The following DOCK9 variants were observed in gnomAD, a reference collection of about 807,000 sequenced individuals.
The protein encoded by DOCK9 is dedicator of cytokinesis protein 9.
DOCK9 carries 89 observed loss-of-function variants against 263.3 expected under a neutral mutation model. The ratio of observed to expected loss-of-function variants is 0.34; its 90% CI spans 0.28 to 0.40. DOCK9 has a LOEUF of 0.40. DOCK9 is among the 10% of genes least tolerant of loss of function. DOCK9 has a pLI of 1.00. For missense variants in DOCK9, 2,140 were observed against 2,603.4 expected, an observed-to-expected ratio of 0.82 and a Z score of 3.87; for synonymous variants, 976 against 973.1, an observed-to-expected ratio of 1.00 and a Z score of -0.06.
upstream of DOCK9, among the ~76,000 whole-genome samples, chr13:99,086,909 C>G (rs866115558): frequency 1.3e-5 from 2 of 151,948 alleles, no homozygotes; most frequent in Non-Finnish European, 2.9e-5. Flanking sequence ...GAGGAGGGGA[C>G]TGCGCACGCC....
At chr13:98,880,879 C>T (rs1468534877) in intron 25 of DOCK9, among the ~76,000 whole-genome samples, 3 of 151,618 alleles carry the variant, frequency 2.0e-5, no homozygotes, top group African/African-American at 7.3e-5. Context: ...AGTCATCTGA[C>T]CCGGTCAAAT....
At chr13:98,922,322 AAG>A (rs1428421374) in intron 5 of DOCK9, among the ~76,000 whole-genome samples, 176 bp from the exon 6 acceptor site, 4 of 152,204 alleles carry the variant, frequency 2.6e-5, no homozygotes, top group Non-Finnish European at 5.9e-5. Context: ...TTAGCGGTGA[AAG>A]AGAGAGACCC....
intron 1 of DOCK9, among the ~76,000 whole-genome samples, chr13:98,994,755 T>A (rs1404026043): frequency 6.6e-6 from 1 of 152,156 alleles, no homozygotes; most frequent in Admixed American, 6.5e-5. Flanking sequence ...TTTGTCTGTA[T>A]ATCAAGTGGT....
intron 10 of DOCK9, among the ~76,000 whole-genome samples, chr13:98,904,194 C>A (rs1356217682): frequency 1.3e-5 from 2 of 152,114 alleles, no homozygotes; most frequent in African/African-American, 4.8e-5. Flanking sequence ...GACATATAAA[C>A]ACACATACGT....
At chr13:98,886,958 A>G (rs1566857157) in intron 18 of DOCK9, among the ~76,000 whole-genome samples, 1 of 151,956 alleles carries the variant, frequency 6.6e-6, no homozygotes, top group Non-Finnish European at 1.5e-5. Context: ...ACGCTCAAGC[A>G]TTCTTCAAGA....
chr13:98,794,514 C>G lies in DOCK9; in HGVS notation c.*112G>C. The G allele has an allele frequency of 2.6e-6, 3 of 1,143,648 alleles. No individual in the cohort carries two copies. Among genetic ancestry groups the G allele is most frequent in the Non-Finnish European group, 3.7e-6 (3 of 819,038 alleles). The allele number at this position is 1,143,648 out of a possible 1,614,324, so 70.8% of individuals were successfully genotyped here. On this transcript the variant is annotated 3_prime_UTR_variant, in exon 53 of 53. Coordinates refer to ENST00000682017, the MANE Select transcript of DOCK9 (RefSeq NM_001366683.2). ...ACGTTGTTCTTTATTTCCTTTCTCT[C>G]CCCTTCCCCTTGGTCCTCCCTGTGC... is the stretch of plus-strand genomic sequence containing the variant.
chr13:98,901,391 T>C (rs1177324847), intron 13 of DOCK9, among the ~76,000 whole-genome samples: 2 of 152,224 alleles, frequency 1.3e-5, no homozygotes, highest in African/African-American at 2.4e-5. Context: ...GGGCATCTCC[T>C]GGTCTCCAGC....
At chr13:99,037,273 A>G (rs556491615) in intron 1 of DOCK9, among the ~76,000 whole-genome samples, 2 of 152,334 alleles carry the variant, frequency 1.3e-5, no homozygotes, top group African/African-American at 4.8e-5. Context: ...AAGAACTTTC[A>G]AATCTCAATA....
At chr13:98,796,740 A>C (rs2089460088) in intron 52 of DOCK9, among the ~76,000 whole-genome samples, 1 of 152,228 alleles carries the variant, frequency 6.6e-6, no homozygotes. Context: ...CAGGTTGGCA[A>C]GTCCTGCTTT....
At chr13:98,923,683 A>C (rs561400687) in intron 4 of DOCK9, among the ~76,000 whole-genome samples, 66 of 152,332 alleles carry the variant, frequency 4.3e-4, no homozygotes, top group African/African-American at 1.5e-3. Context: ...CTTTTAATAC[A>C]AAGTTTATGA....
At chr13:98,943,655 G>A (rs2056285471) in intron 2 of DOCK9, among the ~76,000 whole-genome samples, 1 of 152,140 alleles carries the variant, frequency 6.6e-6, no homozygotes, top group Non-Finnish European at 1.5e-5. Flanking sequence ...ATTCATTTGT[G>A]TAATACCTAT....
intron 45 of DOCK9, 76 bp from the exon 46 acceptor site, chr13:98,810,367 A>G: frequency 6.3e-7 from 1 of 1,576,722 alleles, no homozygotes; most frequent in African/African-American, 1.3e-5. Flanking sequence ...GCAGAATGCT[A>G]AGTGCTAAGA....
rs781365216 is a variant in DOCK9 at position 98,881,886 on chromosome 13, C to G, written c.2675+6G>C. ...GTGAGGAAGAGCATCCATCCACCTC[C>G]CTTACCGAGTCACGTTAACCGCGAC... On this transcript the variant is annotated splice_donor_region_variant and intron_variant, in intron 24 of 52. Coordinates refer to ENST00000682017, the MANE Select transcript of DOCK9 (RefSeq NM_001366683.2). The G allele has an allele frequency of 6.4e-7, 1 of 1,560,436 alleles. No homozygotes were observed. Among genetic ancestry groups the G allele is most frequent in the Non-Finnish European group, 8.7e-7 (1 of 1,150,672 alleles).
At chr13:98,915,546 A>G (rs746874428) in intron 7 of DOCK9, 43 bp from the exon 8 acceptor site, 15 of 1,543,822 alleles carry the variant, frequency 9.7e-6, no homozygotes, top group Non-Finnish European at 1.2e-5. Flanking sequence ...TAAAAGAATT[A>G]GAACTGCTTT....
intron 39 of DOCK9, among the ~76,000 whole-genome samples, chr13:98,832,459 A>G (rs1475003484): frequency 6.6e-6 from 1 of 152,212 alleles, no homozygotes; most frequent in Non-Finnish European, 1.5e-5. Flanking sequence ...CTAGCTCAGT[A>G]GGTGGCATCT....
At chr13:98,810,124 C>A (rs377756259) in intron 46 of DOCK9, 45 bp downstream of exon 46, 2 of 1,611,104 alleles carry the variant, frequency 1.2e-6, no homozygotes, top group African/African-American at 2.7e-5. Context: ...TATGTCACAG[C>A]GTCATGCTCT....
At chr13:98,928,799 C>A (rs1411311159) in intron 3 of DOCK9, among the ~76,000 whole-genome samples, 2 of 152,130 alleles carry the variant, frequency 1.3e-5, no homozygotes, top group African/African-American at 4.8e-5. Flanking sequence ...TCATAGTTTG[C>A]CACTACCTGC....
chr13:98,810,203 A>G lies in DOCK9; in HGVS notation c.5219T>C (p.Ile1740Thr), dbSNP rs374501385. The change falls in exon 46 of 53, where the codon ATC becomes ACC. Residue 1740 changes from isoleucine (I) to threonine (T), a missense_variant. Transcript: ENST00000682017. Reference protein sequence around the residue: ...YELIADIYKLIIPIYEKRRDF... With the variant: ...YELIADIYKLTIPIYEKRRDF... ...CCTCCGCTTCTCATAAATGGGGATG[A>G]TAAGTTTGTAGATGTCGGCGATGAG... 8 of 1,613,836 alleles carry G rather than the reference A, an allele frequency of 5.0e-6. No homozygotes were observed. The highest frequency in any genetic ancestry group is 1.6e-4 in the Middle Eastern group (1 of 6,084).
intron 45 of DOCK9, among the ~76,000 whole-genome samples, chr13:98,814,948 A>C (rs200005370): frequency 0.28 from 15,940 of 57,640 alleles, 1,403 homozygotes; most frequent in East Asian, 0.55. Flanking sequence ...AATAAAATAA[A>C]ATAAAATAAA....
Sources: allele counts gnomAD v4.1 joint callset (sites outside exome capture counted in the v4.1 genomes callset), GRCh38; gene constraint gnomAD v4.1.1; transcripts MANE v1.5; gene names NCBI Gene and HGNC (gene_info 2026-07-23, HGNC 2026-07-21).